ATF3: variants seen among roughly 807,000 people sequenced by gnomAD.
ATF3 encodes activating transcription factor 3, also known as cyclic AMP-dependent transcription factor ATF-3.
Under a neutral mutation model 18.4 loss-of-function variants are expected in ATF3, and 10 were observed. The ratio of observed to expected loss-of-function variants is 0.54; its 90% CI spans 0.34 to 0.92. The LOEUF (loss-of-function observed/expected upper bound fraction) is 0.92. Ranked by LOEUF, ATF3 falls within the 40% of genes least tolerant of loss-of-function variation. The probability of loss-of-function intolerance (pLI) is 0.02; values close to 1 mark genes in which losing one functional copy is unlikely to be tolerated. For missense variants in ATF3, 183 were observed against 222.3 expected (o/e 0.82, Z 1.12); for synonymous variants, 78 against 87.9 (o/e 0.89, Z 0.63).
At chr1:212,603,956 G>A (rs1363582995), upstream of ATF3, among the ~76,000 whole-genome samples, 4 of 152,050 alleles carry the variant, frequency 2.6e-5, no homozygotes, top group Non-Finnish European at 5.9e-5. Context: ...ATGTACATGA[G>A]AAAAAAGATT....
chr1:212,599,914 T>C lies in ATF3; in HGVS notation c.-4-15104T>C, dbSNP rs534915250. Among the ~76,000 whole-genome samples, 20 of 152,278 alleles carry C rather than the reference T, an allele frequency of 1.3e-4. No homozygotes were observed. In the South Asian group the frequency reaches 3.9e-3, roughly 30 times the overall value. ...AACACTGCTGTACTCCCAAGACTGA[T>C]CAGATGCCTGCTTAGGGTACCTGTA... On this transcript the variant is annotated intron_variant, in intron 1 of 3. Transcript: ENST00000366981.
rs574363114 is a variant in ATF3 at position 212,581,598 on chromosome 1, G to A, written c.-5+16115G>A. Among the ~76,000 whole-genome samples the A allele has an allele frequency of 1.2e-4, 19 of 152,152 alleles. No homozygotes were observed. The East Asian group carries it at 2.7e-3, about 22-fold the overall frequency. On this transcript the variant is annotated intron_variant, in intron 1 of 3. Coordinates refer to the ATF3 transcript ENST00000366981. Reference sequence around the variant, plus strand: ...CTGCAATAGAAAATTATACTTTATCGTAAAATTAATGGTTTGAAGAGAAAT... The same window carrying A: ...CTGCAATAGAAAATTATACTTTATCATAAAATTAATGGTTTGAAGAGAAAT...
At chr1:212,590,112 T>A (rs4951620) in intron 1 of ATF3, among the ~76,000 whole-genome samples, 38,729 of 152,122 alleles carry the variant, frequency 0.25, 5,275 homozygotes, top group African/African-American at 0.35. Context: ...CACTGTTTGG[T>A]TGCATGTTGA....
chr1:212,592,185 C>G (rs1664900433), intron 1 of ATF3, among the ~76,000 whole-genome samples: 2 of 152,106 alleles, frequency 1.3e-5, no homozygotes, highest in African/African-American at 4.8e-5. Context: ...CTAGTAACCA[C>G]TATTCTACTT....
intron 1 of ATF3, among the ~76,000 whole-genome samples, chr1:212,572,186 G>T (rs1430484170): frequency 6.6e-6 from 1 of 151,982 alleles, no homozygotes; most frequent in African/African-American, 2.4e-5. Flanking sequence ...TTAAGAGCTG[G>T]CAAGGCCCCA....
intron 1 of ATF3, among the ~76,000 whole-genome samples, chr1:212,582,349 C>T (rs1246201622): frequency 6.6e-6 from 1 of 152,194 alleles, no homozygotes; most frequent in African/African-American, 2.4e-5. Context: ...TTTTCTTTTG[C>T]ACATCTTGAG....
rs1655045851 is a variant in ATF3 at position 212,614,960 on chromosome 1, G to T, written c.-4-58G>T. The T allele has an allele frequency of 3.7e-6, 6 of 1,613,778 alleles. No homozygotes were observed. In the East Asian group the frequency reaches 8.9e-5, roughly 24 times the overall value. ...TGTTGGAGGTCTGGTGGGGGAGGGG[G>T]ACTTGATCCCATGCCCCAGAGCCCC... On this transcript the variant is annotated intron_variant, in intron 1 of 3. Coordinates refer to ENST00000341491, the MANE Select transcript of ATF3 (RefSeq NM_001674.4).
At chr1:212,579,800 C>T (rs1368642935) in intron 1 of ATF3, among the ~76,000 whole-genome samples, 1 of 152,092 alleles carries the variant, frequency 6.6e-6, no homozygotes, top group Non-Finnish European at 1.5e-5. Context: ...AACAGCAGAT[C>T]CCAGCCGATG....
At chr1:212,567,119 G>T (rs190578603) in intron 1 of ATF3, among the ~76,000 whole-genome samples, 4 of 151,804 alleles carry the variant, frequency 2.6e-5, no homozygotes, top group Non-Finnish European at 4.4e-5. Flanking sequence ...TTCTCTTCCC[G>T]CCCACAGAAA....
intron 1 of ATF3, among the ~76,000 whole-genome samples, chr1:212,590,578 A>G (rs1571768705): frequency 6.6e-6 from 1 of 152,094 alleles, no homozygotes; most frequent in East Asian, 1.9e-4. Flanking sequence ...ACTTCCTTAT[A>G]ATCTGATTTC....
intron 1 of ATF3, among the ~76,000 whole-genome samples, chr1:212,588,790 CA>C (rs1664828128): frequency 1.3e-5 from 2 of 152,068 alleles, no homozygotes; most frequent in South Asian, 4.1e-4. Flanking sequence ...TCCATTTGGA[CA>C]TTATCTATTT....
At chr1:212,602,444 G>A (rs574075959) in intron 1 of ATF3, among the ~76,000 whole-genome samples, 3 of 152,138 alleles carry the variant, frequency 2.0e-5, no homozygotes, top group Non-Finnish European at 2.9e-5. Flanking sequence ...TGTAAGCTCA[G>A]TTTCCTCATC....
chr1:212,577,968 G>A (rs1571759417), intron 1 of ATF3, among the ~76,000 whole-genome samples: 1 of 152,108 alleles, frequency 6.6e-6, no homozygotes, highest in Non-Finnish European at 1.5e-5. Flanking sequence ...GGATCATATG[G>A]TAATTCTATT....
At position 212,618,971 on chromosome 1, in the gene ATF3, TG is replaced by T; in HGVS notation, c.349-383del. The T allele has an allele frequency of 6.3e-7, 1 of 1,583,542 alleles. No homozygotes were observed. ...TGTGTGTTGCTATATACATTTTTTC[TG>T]GGGAGATGAGCTTCTCATTGAGATC... On this transcript the variant is annotated intron_variant, in intron 3 of 3. Coordinates refer to ENST00000341491, the MANE Select transcript of ATF3 (RefSeq NM_001674.4). The surrounding 1 kb of genome is among the most constrained non-coding windows in gnomAD (Gnocchi z 4.4).
chr1:212,586,979 C>G (rs1664791624), intron 1 of ATF3, among the ~76,000 whole-genome samples: 1 of 152,132 alleles, frequency 6.6e-6, no homozygotes, highest in Non-Finnish European at 1.5e-5. Context: ...GGCAGAGGAG[C>G]CCTCCAGGTG....
intron 1 of ATF3, among the ~76,000 whole-genome samples, chr1:212,578,388 T>C (rs1290234603): frequency 6.6e-6 from 1 of 152,222 alleles, no homozygotes; most frequent in Non-Finnish European, 1.5e-5. Context: ...ACAGATGAAA[T>C]GATACGTATT....
chr1:212,611,994 G>T (rs1654914107), intron 1 of ATF3, among the ~76,000 whole-genome samples: 1 of 152,130 alleles, frequency 6.6e-6, no homozygotes, highest in Admixed American at 6.6e-5. Flanking sequence ...GAAAAATTGT[G>T]TGAAGATTTA....
intron 1 of ATF3, among the ~76,000 whole-genome samples, chr1:212,592,342 T>C (rs1002380571): frequency 6.6e-6 from 1 of 152,230 alleles, no homozygotes; most frequent in East Asian, 1.9e-4. Context: ...TTTAAGATAA[T>C]AATCACAACA....
rs566202338 is a variant in ATF3 at position 212,592,758 on chromosome 1, C to T, written c.-4-22260C>T. On this transcript the variant is annotated intron_variant, in intron 1 of 3. Coordinates refer to the ATF3 transcript ENST00000366981. ...CTTTCTATTACATCACAGCAAGAGG[C>T]CCTTGTATCTGATGGTCTCACTTCT... 2.0e-5 allele frequency among the ~76,000 whole-genome samples: 3 copies of T among 152,046 alleles called. No individual in the cohort carries two copies. In the East Asian group the frequency reaches 5.8e-4, roughly 30 times the overall value.
Sources: allele counts gnomAD v4.1 joint callset (sites outside exome capture counted in the v4.1 genomes callset), GRCh38; gene constraint gnomAD v4.1.1; non-coding constraint Gnocchi (gnomAD v3.1); transcripts MANE v1.5; gene names NCBI Gene and HGNC (gene_info 2026-07-23, HGNC 2026-07-21).